CTNNA3: variants seen among roughly 807,000 people sequenced by gnomAD.
CTNNA3 encodes the protein catenin alpha-3.
Under a neutral mutation model 95.7 loss-of-function variants are expected in CTNNA3, and 76 were observed. The ratio of observed to expected loss-of-function variants is 0.79; its 90% CI spans 0.66 to 0.96. The LOEUF is 0.96. Ranked by LOEUF, CTNNA3 falls within the 40% of genes least tolerant of loss-of-function variation. CTNNA3 has a pLI of 0.00. For synonymous variants in CTNNA3, 431 were observed against 374.4 expected, an observed-to-expected ratio of 1.15 and a Z score of -1.74; for missense variants, 1,191 against 1,089.8, an observed-to-expected ratio of 1.09 and a Z score of -1.31.
At chr10:66,095,055 G>T in intron 14 of CTNNA3, among the ~76,000 whole-genome samples, 1 of 152,096 alleles carries the variant, frequency 6.6e-6, no homozygotes, top group East Asian at 1.9e-4. Flanking sequence ...ATCTACAGAT[G>T]CCTGTGATTA....
rs2086443563 is a variant in CTNNA3 at position 66,188,279 on chromosome 10, T to C, written c.1885-85030A>G. Among the ~76,000 whole-genome samples, 3 of 152,158 alleles carry C rather than the reference T, an allele frequency of 2.0e-5. No homozygotes were observed. The South Asian group carries it at 6.2e-4, about 31-fold the overall frequency. Reference sequence around the variant, plus strand: ...AGTGTACTAGCATACTTACCTTTTATTAACTATCTATAGTCCTCATGTTGT... The same window carrying C: ...AGTGTACTAGCATACTTACCTTTTACTAACTATCTATAGTCCTCATGTTGT... On this transcript the variant is annotated intron_variant, in intron 13 of 17. Transcript: ENST00000433211.
intron 13 of CTNNA3, among the ~76,000 whole-genome samples, chr10:66,133,104 A>G (rs1247445814): frequency 6.6e-6 from 1 of 152,204 alleles, no homozygotes; most frequent in East Asian, 1.9e-4. Flanking sequence ...AAAAATAGAA[A>G]GGCACCCCAT....
At chr10:67,020,602 T>C (rs1852943877) in intron 7 of CTNNA3, among the ~76,000 whole-genome samples, 1 of 152,160 alleles carries the variant, frequency 6.6e-6, no homozygotes, top group Non-Finnish European at 1.5e-5. Flanking sequence ...TTGGGCACTG[T>C]AGAGAATCAA....
At chr10:67,219,513 G>T in intron 6 of CTNNA3, 94 bp downstream of exon 6, 1 of 1,363,638 alleles carries the variant, frequency 7.3e-7, no homozygotes, top group Non-Finnish European at 9.9e-7. Context: ...ATTTTCTCAT[G>T]CTCTAAACGC....
intron 7 of CTNNA3, among the ~76,000 whole-genome samples, chr10:66,897,707 T>G (rs1019588188): frequency 1.3e-5 from 2 of 152,172 alleles, no homozygotes; most frequent in Non-Finnish European, 2.9e-5. Context: ...CATATAAAAC[T>G]AACACTTTTA....
At chr10:66,662,004 A>G (rs951072362) in intron 9 of CTNNA3, among the ~76,000 whole-genome samples, 2 of 152,190 alleles carry the variant, frequency 1.3e-5, no homozygotes, top group African/African-American at 4.8e-5. Flanking sequence ...CACCATCCAT[A>G]CACATTATAA....
At chr10:67,644,382 T>C (rs973267153) in intron 2 of CTNNA3, among the ~76,000 whole-genome samples, 7 of 152,182 alleles carry the variant, frequency 4.6e-5, no homozygotes, top group South Asian at 2.1e-4. Flanking sequence ...GATGGAGTTG[T>C]TTGTTTTTTC....
chr10:67,181,356 AAAGAT>A (rs1862533054), intron 6 of CTNNA3, among the ~76,000 whole-genome samples: 1 of 152,180 alleles, frequency 6.6e-6, no homozygotes, highest in Non-Finnish European at 1.5e-5. Flanking sequence ...CCTCTTAAGA[AAAGAT>A]GGAAGGTATA....
chr10:67,760,259 T>C (rs922289989), intron 1 of CTNNA3, among the ~76,000 whole-genome samples: 5 of 152,204 alleles, frequency 3.3e-5, no homozygotes, highest in African/African-American at 9.7e-5. Flanking sequence ...ATCTGACATA[T>C]GCCTTCAACA....
chr10:66,784,971 T>C (rs1047979705), intron 7 of CTNNA3, among the ~76,000 whole-genome samples: 4 of 152,190 alleles, frequency 2.6e-5, no homozygotes, highest in African/African-American at 9.7e-5. Context: ...GGTCGGCTAC[T>C]TGCTGATGAA....
intron 9 of CTNNA3, among the ~76,000 whole-genome samples, chr10:66,641,242 C>T (rs1011916852): frequency 7.2e-5 from 11 of 152,060 alleles, no homozygotes; most frequent in African/African-American, 2.7e-4. Flanking sequence ...ATATAAATTC[C>T]AACACACATA....
chr10:66,940,715 A>G (rs1847950497), intron 7 of CTNNA3, among the ~76,000 whole-genome samples: 1 of 152,204 alleles, frequency 6.6e-6, no homozygotes, highest in African/African-American at 2.4e-5. Context: ...TGTGTTGTAC[A>G]AAGTAATCAA....
intron 13 of CTNNA3, among the ~76,000 whole-genome samples, chr10:66,128,090 CAGTT>C (rs1477085830): frequency 2.6e-5 from 4 of 152,118 alleles, no homozygotes; most frequent in Admixed American, 1.3e-4. Flanking sequence ...AAAAGAAAAA[CAGTT>C]AGAACTGTTT....
chr10:66,315,763 A>G (rs1275691236), intron 12 of CTNNA3, among the ~76,000 whole-genome samples: 1 of 152,088 alleles, frequency 6.6e-6, no homozygotes, highest in East Asian at 1.9e-4. Flanking sequence ...TTCATCCTCA[A>G]AACAAAGGTA....
chr10:66,685,349 ATATTTT>A (rs1847251602), intron 9 of CTNNA3, among the ~76,000 whole-genome samples: 1 of 41,038 alleles, frequency 2.4e-5, no homozygotes, highest in Admixed American at 4.6e-4. Context: ...ATATATATAT[ATATTTT>A]TTTTTTTTTT....
intron 15 of CTNNA3, among the ~76,000 whole-genome samples, chr10:66,021,801 C>A (rs1007359896): frequency 3.5e-5 from 5 of 142,164 alleles, no homozygotes; most frequent in Admixed American, 3.0e-4. Flanking sequence ...CTTCAAGTAA[C>A]ATATCTTTTT....
At chr10:67,215,044 A>G (rs1196713153) in intron 6 of CTNNA3, among the ~76,000 whole-genome samples, 2 of 152,076 alleles carry the variant, frequency 1.3e-5, no homozygotes, top group East Asian at 3.9e-4. Flanking sequence ...GTATATTATA[A>G]TATTTTAGAA....
chr10:66,076,165 G>A (rs923686801), intron 14 of CTNNA3, among the ~76,000 whole-genome samples: 14 of 151,618 alleles, frequency 9.2e-5, no homozygotes, highest in Admixed American at 1.3e-4. Context: ...TACCTTCAGC[G>A]TGTCTCAAAT....
At chr10:66,342,509 C>A (rs1030395088) in intron 12 of CTNNA3, among the ~76,000 whole-genome samples, 9 of 151,816 alleles carry the variant, frequency 5.9e-5, no homozygotes, top group African/African-American at 2.2e-4. Context: ...TCTTTGTATG[C>A]AAATATTATT....
Sources: gnomAD v4.1 joint callset for allele counts (sites outside exome capture counted in the v4.1 genomes callset) on GRCh38, gnomAD v4.1.1 for gene constraint, MANE v1.5 for transcripts, NCBI Gene and HGNC (gene_info 2026-07-23, HGNC 2026-07-21) for gene names.